Variants in ADAMTS19 observed in about 807,000 individuals in gnomAD.
The protein encoded by ADAMTS19 is ADAM metallopeptidase with thrombospondin type 1 motif 19.
In ADAMTS19, 93 loss-of-function variants were observed where a neutral mutation model predicts 153.3. That is an observed-to-expected ratio of 0.61 (90% CI 0.51 to 0.72). ADAMTS19 has a LOEUF of 0.72. Ranked by LOEUF, ADAMTS19 falls within the 30% of genes least tolerant of loss-of-function variation. The pLI is 0.00. For missense variants in ADAMTS19, 1,482 were observed against 1,552.1 expected, an observed-to-expected ratio of 0.95 and a Z score of 0.76; for synonymous variants, 600 against 556.6, an observed-to-expected ratio of 1.08 and a Z score of -1.10.
At chr5:129,470,407 A>G (rs1750024148) in intron 2 of ADAMTS19, among the ~76,000 whole-genome samples, 1 of 152,240 alleles carries the variant, frequency 6.6e-6, no homozygotes, top group Non-Finnish European at 1.5e-5. Flanking sequence ...TGGGAGAACC[A>G]GTAGTCCCCC....
intron 6 of ADAMTS19, 90 bp from the exon 7 acceptor site, chr5:129,551,774 T>C: frequency 8.2e-6 from 6 of 731,706 alleles, no homozygotes. Flanking sequence ...GTGCTTCAAT[T>C]AATCATATAA....
chr5:129,637,276 A>G (rs1752571679), intron 10 of ADAMTS19, among the ~76,000 whole-genome samples: 1 of 152,202 alleles, frequency 6.6e-6, no homozygotes, highest in South Asian at 2.1e-4. Context: ...AAAATCATAG[A>G]TTTTAAGTTA....
At chr5:129,641,401 T>C (rs922750916) in intron 10 of ADAMTS19, among the ~76,000 whole-genome samples, 4 of 152,178 alleles carry the variant, frequency 2.6e-5, no homozygotes, top group Non-Finnish European at 5.9e-5. Flanking sequence ...GACTATATAA[T>C]GAATTAATAA....
chr5:129,465,069 C>G (rs1417832592), intron 2 of ADAMTS19, among the ~76,000 whole-genome samples: 2 of 152,122 alleles, frequency 1.3e-5, no homozygotes, highest in African/African-American at 4.8e-5. Context: ...GGTTGAGATA[C>G]GTGAAAATAC....
chr5:129,653,142 C>G (rs539418074), intron 13 of ADAMTS19, among the ~76,000 whole-genome samples: 19 of 152,272 alleles, frequency 1.2e-4, no homozygotes, highest in African/African-American at 4.3e-4. Context: ...ATGCCTCTGG[C>G]TGTTATTTGG....
At chr5:129,580,463 AT>A (rs1198429776) in intron 7 of ADAMTS19, among the ~76,000 whole-genome samples, 1 of 152,110 alleles carries the variant, frequency 6.6e-6, no homozygotes, top group Non-Finnish European at 1.5e-5. Context: ...AGAACGTCCA[AT>A]ATATGTTAAA....
At chr5:129,544,726 C>T (rs544932755) in intron 6 of ADAMTS19, among the ~76,000 whole-genome samples, 1 of 152,156 alleles carries the variant, frequency 6.6e-6, no homozygotes, top group South Asian at 2.1e-4. Context: ...TGAGTCTGTG[C>T]AAAGTGGGGA....
chr5:129,714,574 G>A (rs993540543), intron 21 of ADAMTS19, among the ~76,000 whole-genome samples: 16 of 152,130 alleles, frequency 1.1e-4, no homozygotes, highest in Admixed American at 6.5e-5. Flanking sequence ...GAGAAGTGGA[G>A]TGAGGGATAT....
At chr5:129,709,680 C>T (rs1316071835) in intron 21 of ADAMTS19, among the ~76,000 whole-genome samples, 1 of 151,974 alleles carries the variant, frequency 6.6e-6, no homozygotes, top group Non-Finnish European at 1.5e-5. Context: ...ATCAAAGAAA[C>T]AACAATTTAA....
intron 2 of ADAMTS19, among the ~76,000 whole-genome samples, chr5:129,487,891 T>C (rs963782832): frequency 3.9e-5 from 6 of 152,118 alleles, no homozygotes; most frequent in Non-Finnish European, 5.9e-5. Flanking sequence ...TTGCCATATA[T>C]ACATATTTCT....
At chr5:129,577,093 T>C (rs1163483092) in intron 7 of ADAMTS19, among the ~76,000 whole-genome samples, 1 of 152,012 alleles carries the variant, frequency 6.6e-6, no homozygotes, top group Non-Finnish European at 1.5e-5. Flanking sequence ...TGGAATAGAG[T>C]TCCAAAAGTG....
chr5:129,704,298 A>G lies in ADAMTS19; in HGVS notation c.3219A>G (p.Arg1073=), dbSNP rs375710710. 125 of 1,613,984 alleles carry G rather than the reference A, an allele frequency of 7.7e-5. No individual in the cohort carries two copies. The highest frequency in any genetic ancestry group is 1.0e-4 in the Non-Finnish European group (120 of 1,180,004). Residue 1073 remains arginine, a synonymous_variant, in exon 21 of 23, where the codon AGA becomes AGG. Transcript: ENST00000274487. ...RHRTVRCTNP[R]KKCVLSTRPR... is the part of the protein sequence containing the mutation. Reference sequence around the variant, plus strand: ...GGACCGTTAGATGTACCAACCCAAGAAAGAAGTGTGTCCTCTCTACCAGAC... The same window carrying G: ...GGACCGTTAGATGTACCAACCCAAGGAAGAAGTGTGTCCTCTCTACCAGAC...
In ADAMTS19 at chr5:129,510,182, T is replaced by C. The variant is rs533366040; in HGVS notation, c.913+940T>C. Among the ~76,000 whole-genome samples the C allele has an allele frequency of 1.4e-4, 22 of 152,018 alleles. 1 individual carries two copies. In the South Asian group the frequency reaches 3.1e-3, roughly 21 times the overall value. On this transcript the variant is annotated intron_variant, in intron 3 of 22. Coordinates refer to ENST00000274487, the MANE Select transcript of ADAMTS19 (RefSeq NM_133638.6). ...GTAGCTTGTATCAAGATATCAATTC[T>C]AAAATTGATTATGATACTTGAGGCC...
chr5:129,709,037 A>C (rs866207920), intron 21 of ADAMTS19, among the ~76,000 whole-genome samples: 1 of 152,144 alleles, frequency 6.6e-6, no homozygotes, highest in Non-Finnish European at 1.5e-5. Flanking sequence ...AGTAATTTTT[A>C]ACTTATCCTC....
intron 7 of ADAMTS19, among the ~76,000 whole-genome samples, chr5:129,591,850 G>A (rs1188677946): frequency 6.6e-6 from 1 of 151,996 alleles, no homozygotes; most frequent in African/African-American, 2.4e-5. Context: ...TTGTTAGAAT[G>A]CATCCATCTG....
intron 7 of ADAMTS19, among the ~76,000 whole-genome samples, chr5:129,588,369 C>A (rs1394697334): frequency 6.6e-6 from 1 of 151,956 alleles, no homozygotes; most frequent in Non-Finnish European, 1.5e-5. Context: ...GTGGCATTGG[C>A]AACTTTAGAA....
chr5:129,490,697 C>A (rs1750736010), intron 2 of ADAMTS19, among the ~76,000 whole-genome samples: 1 of 151,954 alleles, frequency 6.6e-6, no homozygotes, highest in South Asian at 2.1e-4. Flanking sequence ...TCAAATAAGC[C>A]CATTTTCTGG....
intron 8 of ADAMTS19, among the ~76,000 whole-genome samples, chr5:129,602,968 A>G (rs924780964): frequency 1.3e-5 from 2 of 151,794 alleles, no homozygotes; most frequent in Non-Finnish European, 2.9e-5. Context: ...TGATCTTACT[A>G]CTCAAGTGTG....
chr5:129,672,895 A>G (rs529954870), intron 16 of ADAMTS19, among the ~76,000 whole-genome samples: 2 of 152,146 alleles, frequency 1.3e-5, no homozygotes, highest in Non-Finnish European at 1.5e-5. Context: ...ATGGCTATTC[A>G]GATATTCCTC....
Sources: allele counts gnomAD v4.1 joint callset (sites outside exome capture counted in the v4.1 genomes callset), GRCh38; gene constraint gnomAD v4.1.1; transcripts MANE v1.5; gene names NCBI Gene and HGNC (gene_info 2026-07-23, HGNC 2026-07-21).